The following DPPA4 variants were observed in gnomAD, a reference collection of about 807,000 sequenced individuals.
The protein encoded by DPPA4 is developmental pluripotency associated 4.
In DPPA4, 22 loss-of-function variants were observed where a neutral mutation model predicts 33.7. The ratio of observed to expected loss-of-function variants is 0.65; its 90% CI spans 0.47 to 0.93. DPPA4 has a LOEUF of 0.93. Among genes scored for constraint, DPPA4 ranks in the 40% least tolerant of loss-of-function variants. DPPA4 has a pLI of 0.00. For synonymous variants in DPPA4, 156 were observed against 132.3 expected (o/e 1.18, Z -1.23); for missense variants, 340 against 358.6 (o/e 0.95, Z 0.42).
Position 109,327,986 on chromosome 3 carries a change from T to C in DPPA4, c.*2A>G. On this transcript the variant is annotated 3_prime_UTR_variant, in exon 7 of 7. Coordinates refer to ENST00000335658, the MANE Select transcript of DPPA4 (RefSeq NM_018189.4). The stretch of plus-strand genomic sequence containing the variant: ...CATAGATGTGGCCTTTTTCCTGATA[T>C]TCTATTCCCATTGGAGGCTTTTTAT... The C allele has an allele frequency of 6.5e-7, 1 of 1,549,246 alleles. No individual in the cohort carries two copies. Among genetic ancestry groups the C allele is most frequent in the Non-Finnish European group, 8.9e-7 (1 of 1,121,814 alleles).
At chr3:109,333,814 T>G (rs923763279) in intron 2 of DPPA4, 56 bp downstream of exon 2, 2 of 1,590,016 alleles carry the variant, frequency 1.3e-6, no homozygotes, top group Non-Finnish European at 1.7e-6. Context: ...TCAGAAAAAT[T>G]CCTCTGGCTT....
intron 2 of DPPA4, 192 bp downstream of exon 2, chr3:109,333,678 G>T: frequency 2.0e-6 from 1 of 498,770 alleles, no homozygotes; most frequent in Non-Finnish European, 3.5e-6. Context: ...CTGAAGATAG[G>T]AAGGGATCAG....
At position 109,331,734 on chromosome 3, in the gene DPPA4, CT is replaced by C; in HGVS notation, c.389del (p.Lys130ArgfsTer20). On this transcript the variant is annotated frameshift_variant and splice_region_variant, in exon 4 of 7. Coordinates refer to ENST00000335658, the MANE Select transcript of DPPA4 (RefSeq NM_018189.4). LOFTEE classifies it high-confidence loss of function. ...AAACGTCCATCCTTTAAAAAGTTAC[CT>C]TTTGATTTGGGTAGGCAAAGGCACA... ...RLCAFAYPNQ[K>X]DFPSTAKEAK... 6.2e-7 allele frequency: 1 copy of C among 1,613,802 alleles called. No homozygotes were observed. The highest frequency in any genetic ancestry group is 8.5e-7 in the Non-Finnish European group (1 of 1,179,930).
At chr3:109,335,287 G>C (rs1401635265) in intron 1 of DPPA4, among the ~76,000 whole-genome samples, 5 of 152,034 alleles carry the variant, frequency 3.3e-5, no homozygotes, top group African/African-American at 1.2e-4. Context: ...GAGCAGGTGG[G>C]ACTACAGGAT....
At position 109,330,279 on chromosome 3, in the gene DPPA4, G is replaced by T. The variant is rs1341965228; in HGVS notation, c.679+245C>A. ...ATCGCGCCACTGCACTCTAGCCTGG[G>T]CAACAAGGGAGAAACTGTCTCAAAA... On this transcript the variant is annotated intron_variant, in intron 5 of 6. Coordinates refer to ENST00000335658, the MANE Select transcript of DPPA4 (RefSeq NM_018189.4). 1.6e-4 allele frequency: 63 copies of T among 404,348 alleles called. No homozygotes were observed. In the East Asian group the frequency reaches 2.2e-3, roughly 14 times the overall value. 25.0% of individuals were successfully genotyped at this position (404,348 alleles called of 1,614,324 possible). A position where few individuals can be genotyped will look rare whatever the true frequency, so the allele number is the denominator to read the frequency against.
chr3:109,338,641 C>T (rs57319770), upstream of DPPA4, among the ~76,000 whole-genome samples: 7,800 of 152,008 alleles, frequency 0.051, 613 homozygotes, highest in African/African-American at 0.18. Flanking sequence ...TAGAAATCCA[C>T]GGACAGAAAA....
intron 2 of DPPA4, 147 bp downstream of exon 2, chr3:109,333,723 G>A: frequency 1.1e-6 from 1 of 883,474 alleles, no homozygotes; most frequent in South Asian, 1.7e-5. Flanking sequence ...GCTTCAGGAA[G>A]GTAACAGTTT....
chr3:109,327,936 C>T lies in DPPA4; in HGVS notation c.*52G>A, dbSNP rs368751317. ...GTCAGCAGCACCGCAGAATCCAACT[C>T]TCCAGCTTTTCTGCCATTAATTACC... On this transcript the variant is annotated 3_prime_UTR_variant, in exon 7 of 7. Transcript: ENST00000335658. 1.6e-5 allele frequency: 21 copies of T among 1,334,252 alleles called. No homozygotes were observed. Among genetic ancestry groups the T allele is most frequent in the Non-Finnish European group, 2.2e-5 (20 of 929,222 alleles). The allele number at this position is 1,334,252 out of a possible 1,614,324, so 82.7% of individuals were successfully genotyped here. A position where few individuals can be genotyped will look rare whatever the true frequency, so the allele number is the denominator to read the frequency against.
chr3:109,328,902 T>G lies in DPPA4; in HGVS notation c.866A>C (p.Lys289Thr). ...PHLEDNMLCP[K>T]CVHRNKVLIK... ...ATCAGGTAATTACCTGTGAACACAT[T>G]TGGGGCACAACATATTGTCTTCAAG... The change falls in exon 6 of 7, where the codon AAA becomes ACA. Residue 289 changes from lysine to threonine, a missense_variant. This residue lies in a region of DPPA4 where 212 missense variants were observed against 206.5 expected (regional missense o/e 1.03). Coordinates refer to ENST00000335658, the MANE Select transcript of DPPA4 (RefSeq NM_018189.4). The G allele has an allele frequency of 6.2e-7, 1 of 1,613,826 alleles. No individual in the cohort carries two copies. Among genetic ancestry groups the G allele is most frequent in the East Asian group, 2.2e-5 (1 of 44,870 alleles).
chr3:109,328,146 G>T, intron 6 of DPPA4, 122 bp from the exon 7 acceptor site: 1 of 669,050 alleles, frequency 1.5e-6, no homozygotes, highest in Non-Finnish European at 2.7e-6. Flanking sequence ...TAGGTAGCAA[G>T]CCTGTGATCC....
Position 109,330,548 on chromosome 3 carries a change from C to G in DPPA4, c.655G>C (p.Val219Leu). The change falls in exon 5 of 7, where the codon GTG becomes CTG. Residue 219 changes from valine (V) to leucine (L), a missense_variant. By Grantham distance (32) the Val-to-Leu change is conservative. Around this residue, in one of 3 missense-constraint regions of DPPA4, gnomAD observed 212 missense variants for 206.5 expected, o/e 1.03. Coordinates refer to ENST00000335658, the MANE Select transcript of DPPA4 (RefSeq NM_018189.4). ...CCAGAGGCCTCTTGTGGAGATTCCA[C>G]TGCCTCTGGTGTCCTCGCCCTGGCT... The part of the protein sequence containing the change: ...ISARARTPEA[V>L]ESPQEASGVR... The G allele has an allele frequency of 1.2e-6, 2 of 1,613,776 alleles. No homozygotes were observed. The highest frequency in any genetic ancestry group is 1.7e-6 in the Non-Finnish European group (2 of 1,179,940).
intron 1 of DPPA4, among the ~76,000 whole-genome samples, chr3:109,336,747 G>T (rs7649501): frequency 6.6e-6 from 1 of 151,902 alleles, no homozygotes; most frequent in Non-Finnish European, 1.5e-5. Flanking sequence ...AGCAGCGGCG[G>T]GCGCCTGCAG....
Position 109,330,631 on chromosome 3 carries a change from G to T in DPPA4, c.572C>A (p.Thr191Lys). ...NSTALLEGVNTVVVTTSAPEA... is the reference protein window; with the variant it reads ...NSTALLEGVNKVVVTTSAPEA... ...TGGGGCAGAAGTTGTCACCACAACT[G>T]TATTAACTCCCTCAAGGAGAGCAGT... The change falls in exon 5 of 7, where the codon ACA (threonine) becomes AAA (lysine). Residue 191 changes from threonine (T) to lysine (K), a missense_variant. Thr to Lys is a moderately conservative substitution (Grantham distance 78, BLOSUM62 -1). This residue lies in a region of DPPA4 where 212 missense variants were observed against 206.5 expected (regional missense o/e 1.03). Coordinates refer to ENST00000335658, the MANE Select transcript of DPPA4 (RefSeq NM_018189.4). 3 of 1,614,176 alleles carry T rather than the reference G, an allele frequency of 1.9e-6. No homozygotes were observed. Among genetic ancestry groups the T allele is most frequent in the Non-Finnish European group, 2.5e-6 (3 of 1,180,040 alleles).
At position 109,327,973 on chromosome 3, in the gene DPPA4, C is replaced by CT; in HGVS notation, c.*14dup. On this transcript the variant is annotated 3_prime_UTR_variant, in exon 7 of 7. Transcript: ENST00000335658. The stretch of plus-strand genomic sequence containing the variant: ...TGCCATTAATTACCATAGATGTGGC[C>CT]TTTTTCCTGATATTCTATTCCCATT... 6.5e-7 allele frequency: 1 copy of CT among 1,539,682 alleles called. No homozygotes were observed. The highest frequency in any genetic ancestry group is 9.0e-7 in the Non-Finnish European group (1 of 1,113,574).
At chr3:109,332,125 C>T in intron 2 of DPPA4, 94 bp from the exon 3 acceptor site, 1 of 1,231,000 alleles carries the variant, frequency 8.1e-7, no homozygotes, top group Non-Finnish European at 1.1e-6. Context: ...TTTTTTGAGA[C>T]AGAATCTTGC....
chr3:109,333,247 CAGG>C (rs1391030445), intron 2 of DPPA4: 1 of 149,394 alleles, frequency 6.7e-6, no homozygotes, highest in African/African-American at 2.5e-5. Flanking sequence ...GAGGCTGAGA[CAGG>C]AGAATTGCTT....
intron 2 of DPPA4, among the ~76,000 whole-genome samples, chr3:109,333,099 TAGG>T (rs1319371863): frequency 1.3e-5 from 2 of 151,928 alleles, no homozygotes; most frequent in Non-Finnish European, 2.9e-5. Context: ...CCCAGCACTT[TAGG>T]AGGCCAAGGC....
intron 2 of DPPA4, 103 bp from the exon 3 acceptor site, chr3:109,332,134 G>A (rs1281424565): frequency 1.2e-5 from 12 of 1,042,968 alleles, no homozygotes; most frequent in South Asian, 3.5e-5. Context: ...ACAGAATCTT[G>A]CTCTGTCGCC....
intron 6 of DPPA4, among the ~76,000 whole-genome samples, 184 bp from the exon 7 acceptor site, chr3:109,328,208 A>G (rs1168342554): frequency 5.9e-5 from 9 of 152,138 alleles, no homozygotes; most frequent in Non-Finnish European, 1.5e-5. Flanking sequence ...TCTGTAATAT[A>G]TTCCCTGACT....
Sources: allele counts gnomAD v4.1 joint callset (sites outside exome capture counted in the v4.1 genomes callset), GRCh38; gene constraint gnomAD v4.1.1; regional missense constraint gnomAD v4.1.1; transcripts MANE v1.5; gene names NCBI Gene and HGNC (gene_info 2026-07-23, HGNC 2026-07-21).